The following R3HDM1 variants were observed in gnomAD, a reference collection of about 807,000 sequenced individuals.
R3HDM1 encodes the protein R3H domain-containing protein 1.
In R3HDM1, 46 loss-of-function variants were observed where a neutral mutation model predicts 141.1. The observed-to-expected ratio is 0.33, with a 90% CI of 0.26 to 0.42. R3HDM1 has a LOEUF of 0.42. R3HDM1 is among the 10% of genes least tolerant of loss of function. The pLI, the probability that R3HDM1 is intolerant of heterozygous loss-of-function variation, is 1.00. For synonymous variants in R3HDM1, 435 were observed against 472.9 expected, an observed-to-expected ratio of 0.92 and a Z score of 1.04; for missense variants, 1,184 against 1,368.3, an observed-to-expected ratio of 0.87 and a Z score of 2.12.
chr2:135,577,207 G>T, intron 1 of R3HDM1: 1 of 983,378 alleles, frequency 1.0e-6, no homozygotes, highest in Non-Finnish European at 1.2e-6. Flanking sequence ...TGACAAATAC[G>T]TCTATATAAA....
chr2:135,673,663 G>T (rs1445089263), intron 19 of R3HDM1, among the ~76,000 whole-genome samples: 1 of 152,150 alleles, frequency 6.6e-6, no homozygotes, highest in Non-Finnish European at 1.5e-5. Context: ...ATGAGAACTA[G>T]AATACACAGT....
In R3HDM1 at chr2:135,622,635, T is replaced by C; in HGVS notation, c.419-19T>C. 1 of 1,584,834 alleles carries C rather than the reference T, an allele frequency of 6.3e-7. No individual in the cohort carries two copies. Among genetic ancestry groups the C allele is most frequent in the Non-Finnish European group, 8.6e-7 (1 of 1,165,026 alleles). On this transcript the variant is annotated intron_variant, in intron 6 of 26. Transcript: ENST00000683871. ...TTTCAAACAACTTTATACTGGGTTT[T>C]TGTGTTGTTGTTTTTTAGATTCCAG... is the stretch of plus-strand genomic sequence containing the variant.
chr2:135,670,205 A>G (rs996200354), intron 19 of R3HDM1: 1 of 548,100 alleles, frequency 1.8e-6, no homozygotes, highest in Non-Finnish European at 2.3e-6. Context: ...AAAGATAATT[A>G]TATTTTAAAT....
At chr2:135,589,979 A>G (rs1708876603) in intron 1 of R3HDM1, among the ~76,000 whole-genome samples, 1 of 152,156 alleles carries the variant, frequency 6.6e-6, no homozygotes, top group Non-Finnish European at 1.5e-5. Flanking sequence ...AGTCCCTAAA[A>G]GCATGTGTAA....
intron 21 of R3HDM1, among the ~76,000 whole-genome samples, chr2:135,698,523 A>G (rs2073629998): frequency 6.6e-6 from 1 of 152,194 alleles, no homozygotes; most frequent in Admixed American, 6.5e-5. Context: ...AGTTACATAG[A>G]TAATTATTTT....
intron 1 of R3HDM1, among the ~76,000 whole-genome samples, chr2:135,601,320 A>G (rs1263494126): frequency 6.6e-6 from 1 of 152,168 alleles, no homozygotes; most frequent in African/African-American, 2.4e-5. Context: ...AAACATTGTG[A>G]AATCAAAATG....
chr2:135,659,755 G>T (rs2066451704), intron 18 of R3HDM1, among the ~76,000 whole-genome samples: 1 of 152,114 alleles, frequency 6.6e-6, no homozygotes. Flanking sequence ...ACTACATTCT[G>T]AAATAATAGT....
At chr2:135,552,164 T>C (rs913059145) in intron 1 of R3HDM1, among the ~76,000 whole-genome samples, 1 of 152,196 alleles carries the variant, frequency 6.6e-6, no homozygotes, top group South Asian at 2.1e-4. Flanking sequence ...TTTTAACTTA[T>C]GGCATGACCT....
intron 1 of R3HDM1, among the ~76,000 whole-genome samples, chr2:135,551,241 T>C (rs1699792972): frequency 6.6e-6 from 1 of 152,208 alleles, no homozygotes; most frequent in South Asian, 2.1e-4. Flanking sequence ...ACTGACAAGT[T>C]TGTTTTTCCT....
chr2:135,671,272 T>C (rs189827638), intron 19 of R3HDM1, among the ~76,000 whole-genome samples: 107 of 151,996 alleles, frequency 7.0e-4, no homozygotes, highest in African/African-American at 2.5e-3. Flanking sequence ...TCCAGTCTGA[T>C]GTGATTTGTA....
chr2:135,629,440 C>G (rs1010494092), intron 7 of R3HDM1, among the ~76,000 whole-genome samples: 6 of 151,998 alleles, frequency 3.9e-5, no homozygotes, highest in Admixed American at 6.6e-5. Context: ...TTAAGAAAAA[C>G]AAAAAGAATA....
intron 1 of R3HDM1, among the ~76,000 whole-genome samples, chr2:135,598,607 T>C (rs2059381248): frequency 6.6e-6 from 1 of 152,072 alleles, no homozygotes; most frequent in Non-Finnish European, 1.5e-5. Context: ...TGTGTGATGT[T>C]GGACAAATTA....
At chr2:135,667,724 C>T (rs968946831) in intron 19 of R3HDM1, 2 of 981,788 alleles carry the variant, frequency 2.0e-6, no homozygotes, top group Non-Finnish European at 2.4e-6. Context: ...AAATCTACTT[C>T]TCCTTCCTAA....
At chr2:135,721,243 T>C (rs2076669598) in intron 24 of R3HDM1, among the ~76,000 whole-genome samples, 1 of 152,178 alleles carries the variant, frequency 6.6e-6, no homozygotes, top group Non-Finnish European at 1.5e-5. Flanking sequence ...CAGCAACTCA[T>C]GAGGTGGAAG....
chr2:135,650,601 A>T, intron 17 of R3HDM1: 3 of 979,198 alleles, frequency 3.1e-6, no homozygotes, highest in Non-Finnish European at 3.6e-6. Context: ...TGTTAACAAT[A>T]TTTGATCATA....
Position 135,621,784 on chromosome 2 carries a change from T to A in R3HDM1, c.418+176T>A, listed in dbSNP as rs546084012. ...AAATGGTTTAACACAGTTCCATATA[T>A]CAGTAAGACGTTTCAGCCAAAAATG... On this transcript the variant is annotated intron_variant, in intron 6 of 26. Transcript: ENST00000683871. 1.4e-4 allele frequency: 131 copies of A among 968,966 alleles called. 1 individual carries two copies. The South Asian group carries it at 5.2e-3, about 39-fold the overall frequency. 60.0% of individuals were successfully genotyped at this position (968,966 alleles called of 1,614,324 possible).
At chr2:135,533,900 G>C in intron 1 of R3HDM1, 1 of 728,860 alleles carries the variant, frequency 1.4e-6, no homozygotes, top group Non-Finnish European at 1.7e-6. Flanking sequence ...GAAAATTAGA[G>C]GTAAAGTATG....
chr2:135,539,697 CTATT>C (rs1257463288), intron 1 of R3HDM1, among the ~76,000 whole-genome samples: 3 of 150,630 alleles, frequency 2.0e-5, no homozygotes, highest in African/African-American at 5.0e-5. Context: ...ATTCTGTAGT[CTATT>C]TAAAGTGTGA....
intron 1 of R3HDM1, among the ~76,000 whole-genome samples, chr2:135,575,103 T>G (rs569623059): frequency 9.5e-4 from 145 of 152,346 alleles, no homozygotes; most frequent in African/African-American, 3.3e-3. Context: ...AGTCACACGA[T>G]GCACAAAGTA....
Sources: allele counts gnomAD v4.1 joint callset (sites outside exome capture counted in the v4.1 genomes callset), GRCh38; gene constraint gnomAD v4.1.1; transcripts MANE v1.5; gene names NCBI Gene and HGNC (gene_info 2026-07-23, HGNC 2026-07-21).